The following MACROD2 variants were observed in gnomAD, a reference collection of about 807,000 sequenced individuals.
The protein encoded by MACROD2 is mono-ADP ribosylhydrolase 2.
Under a neutral mutation model 70.4 loss-of-function variants are expected in MACROD2, and 36 were observed. The observed-to-expected ratio is 0.51, with a 90% CI of 0.39 to 0.68. MACROD2 has a LOEUF of 0.68. Among genes scored for constraint, MACROD2 ranks in the 30% least tolerant of loss-of-function variants. MACROD2 has a pLI of 0.00. For missense variants in MACROD2, 496 were observed against 538.4 expected, an observed-to-expected ratio of 0.92 and a Z score of 0.78; for synonymous variants, 172 against 178.8, an observed-to-expected ratio of 0.96 and a Z score of 0.30.
chr20:14,115,366 C>T (rs1238545539), intron 3 of MACROD2, among the ~76,000 whole-genome samples: 1 of 152,084 alleles, frequency 6.6e-6, no homozygotes, highest in Non-Finnish European at 1.5e-5. Flanking sequence ...TTTATTACTC[C>T]TCATTATTTA....
At position 14,312,297 on chromosome 20, in the gene MACROD2, A is replaced by C. The variant is rs150530005; in HGVS notation, c.272-181182A>C. Reference sequence around the variant, plus strand: ...AGAAACTTGAAACTAGTGAGGCTGCACTGGGAATTTGATCAATGCGTAATT... The same window carrying C: ...AGAAACTTGAAACTAGTGAGGCTGCCCTGGGAATTTGATCAATGCGTAATT... On this transcript the variant is annotated intron_variant, in intron 3 of 17. Coordinates refer to ENST00000684519, the MANE Select transcript of MACROD2 (RefSeq NM_001351661.2). Among the ~76,000 whole-genome samples the C allele has an allele frequency of 1.7e-3, 265 of 152,288 alleles. 2 individuals are homozygous for C. Among genetic ancestry groups the C allele is most frequent in the African/African-American group, 6.1e-3 (252 of 41,572 alleles).
At chr20:14,169,685 G>A (rs1314330036) in intron 3 of MACROD2, among the ~76,000 whole-genome samples, 1 of 152,018 alleles carries the variant, frequency 6.6e-6, no homozygotes, top group South Asian at 2.1e-4. Flanking sequence ...TATAAGTAGT[G>A]CAGGTATTCC....
intron 5 of MACROD2, among the ~76,000 whole-genome samples, chr20:14,749,437 G>A (rs1273656390): frequency 1.3e-5 from 2 of 152,006 alleles, no homozygotes; most frequent in African/African-American, 2.4e-5. Flanking sequence ...AGAAAAGGAA[G>A]GAAGGAAGGA....
At chr20:15,957,004 A>G (rs1202884356) in intron 12 of MACROD2, among the ~76,000 whole-genome samples, 1 of 152,244 alleles carries the variant, frequency 6.6e-6, no homozygotes, top group Non-Finnish European at 1.5e-5. Flanking sequence ...GAATTTCACA[A>G]ACGTAATGTT....
intron 6 of MACROD2, among the ~76,000 whole-genome samples, chr20:15,291,373 C>A (rs1316719043): frequency 6.6e-6 from 1 of 152,282 alleles, no homozygotes; most frequent in South Asian, 2.1e-4. Context: ...ATACCTAAAT[C>A]ATCTAGCAGA....
intron 2 of MACROD2, among the ~76,000 whole-genome samples, chr20:14,065,273 G>A (rs755156479): frequency 6.6e-6 from 1 of 152,150 alleles, no homozygotes; most frequent in Non-Finnish European, 1.5e-5. Flanking sequence ...TCTGATCTGT[G>A]GTGATCCTTC....
chr20:14,227,700 A>G (rs2081755574), intron 3 of MACROD2, among the ~76,000 whole-genome samples: 1 of 152,244 alleles, frequency 6.6e-6, no homozygotes, highest in South Asian at 2.1e-4. Flanking sequence ...TTCCGGATAC[A>G]CTGGGATTTA....
At chr20:15,254,538 G>A (rs958465538) in intron 6 of MACROD2, among the ~76,000 whole-genome samples, 16 of 152,144 alleles carry the variant, frequency 1.1e-4, no homozygotes, top group African/African-American at 3.6e-4. Flanking sequence ...GTAGACTGGG[G>A]ATATTAATGG....
chr20:14,830,198 A>C lies in MACROD2; in HGVS notation c.418+145239A>C, dbSNP rs188287457. ...CTCATTAGGGCACTACGGTTCATTA[A>C]GGTTTAAAGAGGCATCACTGAAATT... On this transcript the variant is annotated intron_variant, in intron 5 of 17. Transcript: ENST00000684519. Among the ~76,000 whole-genome samples, 159 of 152,242 alleles carry C rather than the reference A, an allele frequency of 1.0e-3. 3 individuals are homozygous for C. In the Middle Eastern group the frequency reaches 0.017, roughly 16 times the overall value.
intron 7 of MACROD2, among the ~76,000 whole-genome samples, chr20:15,461,006 A>ATATATATATATATATAT: frequency 6.0e-5 from 4 of 66,990 alleles, no homozygotes; most frequent in Admixed American, 3.6e-4. Context: ...ATATATATAT[A>ATATATATATATATATAT]TTTTTTTTTA....
chr20:14,714,337 G>A (rs1395463307), intron 5 of MACROD2, among the ~76,000 whole-genome samples: 1 of 151,912 alleles, frequency 6.6e-6, no homozygotes, highest in African/African-American at 2.4e-5. Flanking sequence ...CTGGCGCTCA[G>A]ACTGCTGCAC....
intron 8 of MACROD2, among the ~76,000 whole-genome samples, chr20:15,507,960 C>T (rs1367764085): frequency 1.3e-5 from 2 of 152,226 alleles, no homozygotes; most frequent in African/African-American, 4.8e-5. Context: ...GCTCTAATTA[C>T]ACACTTTTAG....
rs1272783607 is a variant in MACROD2 at position 14,800,016 on chromosome 20, A to T, written c.418+115057A>T. 1.4e-4 allele frequency among the ~76,000 whole-genome samples: 22 copies of T among 152,040 alleles called. 1 individual carries two copies. Among genetic ancestry groups the T allele is most frequent in the Admixed American group, 1.4e-3 (22 of 15,256 alleles). On this transcript the variant is annotated intron_variant, in intron 5 of 17. Transcript: ENST00000684519. ...AGATGCCAATATGGAAAGCTTTAGA[A>T]TTGTACTCAGTCAAGCTGACAGTTC...
chr20:15,403,442 C>CGAGGAGGAGGACGAG (rs1555814472), intron 6 of MACROD2, among the ~76,000 whole-genome samples: 4 of 134,746 alleles, frequency 3.0e-5, no homozygotes, highest in African/African-American at 1.1e-4. Context: ...AGGAGGAGGA[C>CGAGGAGGAGGACGAG]GAGGAGGAGG....
Position 15,710,194 on chromosome 20 carries a change from CAAAA to C in MACROD2, c.646-152535_646-152532del, listed in dbSNP as rs67656339. ...GTTAGAATGGCTATTATCAAAAAGA[CAAAA>C]AAAAAAAAAAAAAAACAATTGCGGG... On this transcript the variant is annotated intron_variant, in intron 8 of 17. Transcript: ENST00000684519. Among the ~76,000 whole-genome samples, 889 of 102,642 alleles carry C rather than the reference CAAAA, an allele frequency of 8.7e-3. 6 individuals carry two copies. Among genetic ancestry groups the C allele is most frequent in the African/African-American group, 0.031 (836 of 26,764 alleles). 67.3% of individuals were successfully genotyped at this position (102,642 alleles called of 152,430 possible). A position where few individuals can be genotyped will look rare whatever the true frequency, so the allele number is the denominator to read the frequency against.
At chr20:14,756,113 C>G (rs1307553489) in intron 5 of MACROD2, among the ~76,000 whole-genome samples, 3 of 152,242 alleles carry the variant, frequency 2.0e-5, no homozygotes, top group Admixed American at 2.0e-4. Flanking sequence ...TTAGGCCTTA[C>G]ATGATTTGGC....
chr20:14,023,278 C>T (rs1276161131), intron 2 of MACROD2, among the ~76,000 whole-genome samples: 1 of 152,046 alleles, frequency 6.6e-6, no homozygotes, highest in Non-Finnish European at 1.5e-5. Context: ...TGTTTAAGTT[C>T]CTTGTAGATT....
intron 5 of MACROD2, among the ~76,000 whole-genome samples, chr20:14,865,021 A>C (rs1337715855): frequency 6.6e-6 from 1 of 152,080 alleles, no homozygotes; most frequent in African/African-American, 2.4e-5. Flanking sequence ...GTGGCTGATC[A>C]CTACAGTGCT....
chr20:15,905,967 C>T (rs8183396), intron 10 of MACROD2, among the ~76,000 whole-genome samples: 6,908 of 152,220 alleles, frequency 0.045, 312 homozygotes, highest in East Asian at 0.23. Flanking sequence ...CTGTATTCTC[C>T]GTAGACAGAA....
Sources: allele counts gnomAD v4.1 joint callset (sites outside exome capture counted in the v4.1 genomes callset), GRCh38; gene constraint gnomAD v4.1.1; transcripts MANE v1.5; gene names NCBI Gene and HGNC (gene_info 2026-07-23, HGNC 2026-07-21).